The following EXOSC3 variants were observed in gnomAD, a reference collection of about 807,000 sequenced individuals.
The protein encoded by EXOSC3 is exosome complex component RRP40.
In EXOSC3, 18 loss-of-function variants were observed where a neutral mutation model predicts 25.1. The observed-to-expected ratio is 0.72, with a 90% confidence interval of 0.50 to 1.06. The LOEUF (loss-of-function observed/expected upper bound fraction) is 1.06, where lower values mean the gene tolerates loss of function less well. Ranked by LOEUF, EXOSC3 falls within the 50% of genes least tolerant of loss-of-function variation. EXOSC3 has a pLI of 0.00. For synonymous variants in EXOSC3, 165 were observed against 132.2 expected (o/e 1.25, Z -1.70); for missense variants, 382 against 350.9 (o/e 1.09, Z -0.71).
At position 37,783,866 on chromosome 9, in the gene EXOSC3, T is replaced by C. The variant is rs543164025; in HGVS notation, c.474+48A>G. 2.5e-6 allele frequency: 4 copies of C among 1,590,452 alleles called. No individual in the cohort carries two copies. The South Asian group carries it at 4.6e-5, about 18-fold the overall frequency. Reference sequence around the variant, plus strand: ...TAGCCTTCTGGATATGTGAGTGTTCTAGGGAATGGATGTTTGTTTCTTTGA... The same window carrying C: ...TAGCCTTCTGGATATGTGAGTGTTCCAGGGAATGGATGTTTGTTTCTTTGA... On this transcript the variant is annotated intron_variant, in intron 2 of 3. Coordinates refer to ENST00000327304, the MANE Select transcript of EXOSC3 (RefSeq NM_016042.4).
Position 37,780,527 on chromosome 9 carries a change from G to A in EXOSC3, c.*152C>T, listed in dbSNP as rs540472103. ...CAATGATTTTCTCTCCCACAAAAGC[G>A]TGGGTGAAAACCAGTAACTTATAAA... is the stretch of plus-strand genomic sequence containing the variant. On this transcript the variant is annotated 3_prime_UTR_variant, in exon 4 of 4. Coordinates refer to ENST00000327304, the MANE Select transcript of EXOSC3 (RefSeq NM_016042.4). 2.3e-4 allele frequency: 145 copies of A among 627,570 alleles called. 2 individuals are homozygous for A. In the East Asian group the frequency reaches 3.1e-3, roughly 14 times the overall value. The allele number at this position is 627,570 out of a possible 1,614,324, so 38.9% of individuals were successfully genotyped here.
chr9:37,782,007 A>C lies in EXOSC3; in HGVS notation c.605T>G (p.Val202Gly). The C allele has an allele frequency of 6.2e-7, 1 of 1,613,876 alleles. No homozygotes were observed. Among genetic ancestry groups the C allele is most frequent in the Non-Finnish European group, 8.5e-7 (1 of 1,179,934 alleles). Residue 202 changes from valine to glycine, a missense_variant, in exon 3 of 4, where the codon GTG becomes GGG. Coordinates refer to ENST00000327304, the MANE Select transcript of EXOSC3 (RefSeq NM_016042.4). ...VIGQDGLLFK[V>G]TLGLIRKLLA... ...TTACTTTCTAATTAAGCCCAGAGTCACTTTAAAAAGCAGACCATCCTGTCC... is the reference window on the plus strand; with the variant it reads ...TTACTTTCTAATTAAGCCCAGAGTCCCTTTAAAAAGCAGACCATCCTGTCC...
Position 37,780,717 on chromosome 9 carries a change from G to T in EXOSC3, c.790C>A (p.Gln264Lys). Residue 264 changes from glutamine (Q) to lysine (K), a missense_variant, in exon 4 of 4, where the codon CAA (glutamine) becomes AAA (lysine). Gln to Lys is a moderately conservative substitution (Grantham distance 53, BLOSUM62 1). Coordinates refer to ENST00000327304, the MANE Select transcript of EXOSC3 (RefSeq NM_016042.4). ...AATCTGGAGAAGATCTGTTTTCTTT[G>T]ATCTGACGTCATGTGTTCACAAGCT... ...LEACEHMTSD[Q>K]RKQIFSRLAE... 6.2e-7 allele frequency: 1 copy of T among 1,613,812 alleles called. No homozygotes were observed. Among genetic ancestry groups the T allele is most frequent in the African/African-American group, 1.3e-5 (1 of 75,030 alleles).
intron 2 of EXOSC3, among the ~76,000 whole-genome samples, chr9:37,783,286 G>A (rs1296793416): frequency 1.3e-5 from 2 of 152,214 alleles, no homozygotes; most frequent in African/African-American, 4.8e-5. Context: ...GACCAGTCAA[G>A]AGGGAGCTGA....
At chr9:37,781,822 T>C (rs139471659) in intron 3 of EXOSC3, 164 bp downstream of exon 3, 40 of 726,484 alleles carry the variant, frequency 5.5e-5, no homozygotes, top group African/African-American at 1.1e-4. Context: ...TCCAAGAAGA[T>C]AGGATTAAAT....
Position 37,780,652 on chromosome 9 carries a change from A to G in EXOSC3, c.*27T>C. On this transcript the variant is annotated 3_prime_UTR_variant, in exon 4 of 4. Transcript: ENST00000327304. ...AAAAAACCCATAGTTTTTTGCCTCA[A>G]CTGACCTGTAAAAAAGTCCACCTAT... 1 of 1,606,486 alleles carries G rather than the reference A, an allele frequency of 6.2e-7. No individual in the cohort carries two copies.
intron 2 of EXOSC3, among the ~76,000 whole-genome samples, 161 bp from the exon 3 acceptor site, chr9:37,782,298 G>A (rs1259829801): frequency 6.6e-6 from 1 of 151,998 alleles, no homozygotes; most frequent in Non-Finnish European, 1.5e-5. Flanking sequence ...TGAGTCTTGG[G>A]GAAAAAAAGG....
At chr9:37,784,150 T>C in intron 1 of EXOSC3, 87 bp from the exon 2 acceptor site, 3 of 1,397,594 alleles carry the variant, frequency 2.1e-6, no homozygotes, top group South Asian at 1.4e-5. Context: ...GTGGTTACTT[T>C]ATTGTCATTA....
chr9:37,781,215 A>G (rs1178105955), intron 3 of EXOSC3, among the ~76,000 whole-genome samples: 2 of 151,876 alleles, frequency 1.3e-5, no homozygotes. Flanking sequence ...GACACTTTAA[A>G]CTTATTTTCC....
Position 37,785,006 on chromosome 9 carries a change from C to T in EXOSC3, c.39G>A (p.Ala13=). The change falls in exon 1 of 4, where the codon GCG becomes GCA. Residue 13 remains alanine, a synonymous_variant. Transcript: ENST00000327304. ...EPASVAAESL[A]GSRARAARTV... ...TGCGTGCAGCGCGCGCCCTGCTGCC[C>T]GCGAGAGATTCAGCCGCGACAGACG... The T allele has an allele frequency of 6.2e-7, 1 of 1,604,722 alleles. No homozygotes were observed. The highest frequency in any genetic ancestry group is 8.5e-7 in the Non-Finnish European group (1 of 1,174,364).
Position 37,780,780 on chromosome 9 carries a change from T to C in EXOSC3, c.727A>G (p.Thr243Ala). The C allele has an allele frequency of 6.2e-7, 1 of 1,613,906 alleles. No individual in the cohort carries two copies. Among genetic ancestry groups the C allele is most frequent in the Non-Finnish European group, 8.5e-7 (1 of 1,179,892 alleles). The change falls in exon 4 of 4, where the codon ACC becomes GCC. Residue 243 changes from threonine to alanine, a missense_variant. Transcript: ENST00000327304. ...GCCAAAATTAAAGTCTGCTGGATGGTTTTTGCCTTAACCCATATTCTTCCA... is the reference window on the plus strand; with the variant it reads ...GCCAAAATTAAAGTCTGCTGGATGGCTTTTGCCTTAACCCATATTCTTCCA... ...MNGRIWVKAK[T>A]IQQTLILANI...
chr9:37,782,327 T>A (rs1402719765), intron 2 of EXOSC3, among the ~76,000 whole-genome samples, 190 bp from the exon 3 acceptor site: 3 of 152,214 alleles, frequency 2.0e-5, no homozygotes, highest in Admixed American at 1.3e-4. Flanking sequence ...TATCATTCCC[T>A]TTCACCAATC....
intron 1 of EXOSC3, chr9:37,784,283 C>T (rs889134714): frequency 1.9e-6 from 1 of 527,398 alleles, no homozygotes; most frequent in African/African-American, 1.9e-5. Context: ...GCACCCCAAC[C>T]AGTAAGTCTC....
At position 37,780,354 on chromosome 9, in the gene EXOSC3, GCTTA is replaced by G. The variant is rs1342414631; in HGVS notation, c.*321_*324del. Reference sequence around the variant, plus strand: ...TTCCACATTTCCTCTGGTGAACCTGGCTTACTGTTATAATCACAAAATTATTTTA... The same window carrying G: ...TTCCACATTTCCTCTGGTGAACCTGGCTGTTATAATCACAAAATTATTTTA... On this transcript the variant is annotated 3_prime_UTR_variant, in exon 4 of 4. Transcript: ENST00000327304. The G allele has an allele frequency of 3.8e-6, 1 of 266,026 alleles. No individual in the cohort carries two copies. Among genetic ancestry groups the G allele is most frequent in the Non-Finnish European group, 7.2e-6 (1 of 138,766 alleles). 16.5% of individuals were successfully genotyped at this position (266,026 alleles called of 1,614,324 possible).
rs773071559 is a variant in EXOSC3 at position 37,784,982 on chromosome 9, G to A, written c.63C>T (p.Arg21=). Reference sequence around the variant, plus strand: ...GGAGCACCACCTGACCTAGTACTGTGCGTGCAGCGCGCGCCCTGCTGCCCG... The same window carrying A: ...GGAGCACCACCTGACCTAGTACTGTACGTGCAGCGCGCGCCCTGCTGCCCG... ...SLAGSRARAA[R]TVLGQVVLPG... is the part of the protein sequence containing the mutation. Residue 21 remains arginine, a synonymous_variant, in exon 1 of 4, where the codon CGC becomes CGT. Coordinates refer to ENST00000327304, the MANE Select transcript of EXOSC3 (RefSeq NM_016042.4). 1 of 1,611,454 alleles carries A rather than the reference G, an allele frequency of 6.2e-7. No homozygotes were observed. Among genetic ancestry groups the A allele is most frequent in the African/African-American group, 1.3e-5 (1 of 75,056 alleles).
intron 2 of EXOSC3, 36 bp downstream of exon 2, chr9:37,783,878 G>GT: frequency 1.9e-6 from 3 of 1,600,074 alleles, no homozygotes; most frequent in Non-Finnish European, 2.6e-6. Flanking sequence ...GGGAATGGAT[G>GT]TTTGTTTCTT....
rs898508053 is a variant in EXOSC3 at position 37,783,355 on chromosome 9, T to C, written c.474+559A>G. Among the ~76,000 whole-genome samples the C allele has an allele frequency of 1.8e-4, 28 of 152,042 alleles. 1 individual carries two copies. Among genetic ancestry groups the C allele is most frequent in the African/African-American group, 4.8e-5 (2 of 41,372 alleles). ...GCCAAAGATCAGAGACAGAATCAAATAGGATCAAAATAGGATTAAGCAACT... is the reference window on the plus strand; with the variant it reads ...GCCAAAGATCAGAGACAGAATCAAACAGGATCAAAATAGGATTAAGCAACT... On this transcript the variant is annotated intron_variant, in intron 2 of 3. Transcript: ENST00000327304.
rs1172058697 is a variant in EXOSC3 at position 37,783,730 on chromosome 9, A to T, written c.474+184T>A. On this transcript the variant is annotated intron_variant, in intron 2 of 3. Transcript: ENST00000327304. ...AAATAAATTGTAAATGTAAAAAATA[A>T]TAATAATAATTATGTGGCTCTGATC... 3 of 433,484 alleles carry T rather than the reference A, an allele frequency of 6.9e-6. No individual in the cohort carries two copies. In the Admixed American group the frequency reaches 1.2e-4, roughly 18 times the overall value. 26.9% of individuals were successfully genotyped at this position (433,484 alleles called of 1,614,324 possible). A position where few individuals can be genotyped will look rare whatever the true frequency, so the allele number is the denominator to read the frequency against.
At position 37,779,980 on chromosome 9, in the gene EXOSC3, G is replaced by GTGTT. The variant is rs1828530038; in HGVS notation, c.*695_*698dup. On this transcript the variant is annotated 3_prime_UTR_variant, in exon 4 of 4. Transcript: ENST00000327304. The stretch of plus-strand genomic sequence containing the variant: ...AGATTTGGATTCAGAAATCCTCATA[G>GTGTT]TGTTATTTATATAATGATAAAACTC... 1 of 152,188 alleles carries GTGTT rather than the reference G, an allele frequency of 6.6e-6. No individual in the cohort carries two copies. The highest frequency in any genetic ancestry group is 2.1e-4 in the South Asian group (1 of 4,832). The allele number at this position is 152,188 out of a possible 1,614,324, so 9.4% of individuals were successfully genotyped here. A position where few individuals can be genotyped will look rare whatever the true frequency, so the allele number is the denominator to read the frequency against.
Sources: gnomAD v4.1 joint callset for allele counts (sites outside exome capture counted in the v4.1 genomes callset) on GRCh38, gnomAD v4.1.1 for gene constraint, MANE v1.5 for transcripts, NCBI Gene and HGNC (gene_info 2026-07-23, HGNC 2026-07-21) for gene names.